The following DDHD1 variants were observed in gnomAD, a reference collection of about 807,000 sequenced individuals.
The protein encoded by DDHD1 is DDHD domain containing 1.
Under a neutral mutation model 96.4 loss-of-function variants are expected in DDHD1, and 49 were observed. That is an observed-to-expected ratio of 0.51 (90% CI 0.40 to 0.64). The LOEUF is 0.64. Among genes scored for constraint, DDHD1 ranks in the 30% least tolerant of loss-of-function variants. The pLI is 0.00. For synonymous variants in DDHD1, 442 were observed against 446.5 expected (o/e 0.99, Z 0.13); for missense variants, 1,106 against 1,161.2 (o/e 0.95, Z 0.69).
intron 1 of DDHD1, among the ~76,000 whole-genome samples, chr14:53,120,695 G>T (rs544332878): frequency 6.6e-6 from 1 of 152,166 alleles, no homozygotes; most frequent in African/African-American, 2.4e-5. Context: ...TAAACAATGG[G>T]GAAAGTATTC....
chr14:53,053,176 T>A (rs914188462), intron 11 of DDHD1: 2 of 152,088 alleles, frequency 1.3e-5, no homozygotes, highest in Non-Finnish European at 2.9e-5. Context: ...CCTTACAAAA[T>A]TCTTTGAAAT....
intron 1 of DDHD1, among the ~76,000 whole-genome samples, chr14:53,144,724 A>C (rs566563397): frequency 6.6e-6 from 1 of 152,344 alleles, no homozygotes; most frequent in South Asian, 2.1e-4. Flanking sequence ...CAGCCAATAA[A>C]ATATGAACTA....
chr14:53,132,917 C>T (rs932739612), intron 1 of DDHD1, among the ~76,000 whole-genome samples: 5 of 152,192 alleles, frequency 3.3e-5, no homozygotes, highest in South Asian at 4.1e-4. Context: ...CGGTCACTCC[C>T]ACCTACTCTC....
intron 1 of DDHD1, among the ~76,000 whole-genome samples, chr14:53,135,500 G>A (rs1018800996): frequency 6.6e-6 from 1 of 152,198 alleles, no homozygotes. Context: ...AAACAGCCTT[G>A]TTGCTCACAC....
chr14:53,068,944 A>G (rs904753506), intron 6 of DDHD1, among the ~76,000 whole-genome samples: 6 of 152,214 alleles, frequency 3.9e-5, no homozygotes, highest in Non-Finnish European at 8.8e-5. Flanking sequence ...GATTCCCTCC[A>G]TCAGTTGCCC....
chr14:53,146,405 G>C (rs539131200), intron 1 of DDHD1, among the ~76,000 whole-genome samples: 65 of 150,754 alleles, frequency 4.3e-4, no homozygotes, highest in African/African-American at 1.5e-3. Flanking sequence ...TAGGGAGGCT[G>C]AAGCAGGAGA....
intron 4 of DDHD1, among the ~76,000 whole-genome samples, chr14:53,086,995 G>T (rs541694192): frequency 7.3e-4 from 69 of 94,820 alleles, no homozygotes; most frequent in African/African-American, 2.6e-3. Context: ...AAAAAAAAAA[G>T]CAGGGATTGC....
At chr14:53,053,905 A>G (rs771669953) in intron 11 of DDHD1, 1 of 152,302 alleles carries the variant, frequency 6.6e-6, no homozygotes, top group African/African-American at 2.4e-5. Context: ...TAAGTCCAAC[A>G]TAACTATCCA....
intron 1 of DDHD1, among the ~76,000 whole-genome samples, chr14:53,144,835 C>A (rs924213407): frequency 6.6e-6 from 1 of 152,212 alleles, no homozygotes; most frequent in African/African-American, 2.4e-5. Context: ...TCTGACTCTG[C>A]TCCCTGTGCA....
intron 7 of DDHD1, 123 bp from the exon 8 acceptor site, chr14:53,061,324 G>C: frequency 3.0e-6 from 2 of 673,688 alleles, no homozygotes; most frequent in South Asian, 6.0e-5. Context: ...CATTAATCCT[G>C]GTTGACAGTA....
rs375381564 is a variant in DDHD1, at chr14:53,054,596, A to G, written c.2279T>C (p.Met760Thr). The change falls in exon 11 of 13, where the codon ATG becomes ACG. Residue 760 changes from methionine to threonine, a missense_variant. By Grantham distance (81) the Met-to-Thr change is moderately conservative (BLOSUM62 -1). Transcript: ENST00000673822. The stretch of plus-strand genomic sequence containing the variant: ...TGAACGTCCAAATCTTGAGAACAAC[A>G]TTCCTCCAAGTCCCTTTCCAATGCT... Reference protein sequence around the residue: ...AASIGKGLGGMLFSRFGRSST... With the variant: ...AASIGKGLGGTLFSRFGRSST... 4 of 1,613,960 alleles carry G rather than the reference A, an allele frequency of 2.5e-6. No individual in the cohort carries two copies. Among genetic ancestry groups the G allele is most frequent in the African/African-American group, 1.3e-5 (1 of 74,926 alleles).
intron 4 of DDHD1, among the ~76,000 whole-genome samples, chr14:53,076,504 T>C (rs1367578030): frequency 1.3e-5 from 2 of 152,206 alleles, no homozygotes; most frequent in Admixed American, 1.3e-4. Flanking sequence ...ATGTGAATAT[T>C]GTTGAAATGG....
At chr14:53,077,541 G>T (rs1885075609) in intron 4 of DDHD1, among the ~76,000 whole-genome samples, 1 of 152,054 alleles carries the variant, frequency 6.6e-6, no homozygotes, top group South Asian at 2.1e-4. Context: ...CTAACTCACA[G>T]ATTTAAGCAT....
chr14:53,122,495 C>G (rs745399886), intron 1 of DDHD1, among the ~76,000 whole-genome samples: 1 of 152,138 alleles, frequency 6.6e-6, no homozygotes, highest in South Asian at 2.1e-4. Context: ...ATCTCAGTTC[C>G]ACAGATAGTG....
intron 1 of DDHD1, among the ~76,000 whole-genome samples, chr14:53,104,890 A>G (rs554129064): frequency 2.6e-5 from 4 of 152,062 alleles, no homozygotes; most frequent in African/African-American, 9.6e-5. Context: ...TGAATTTAAA[A>G]CTCCGTCATT....
At chr14:53,103,582 T>C in intron 2 of DDHD1, 101 bp downstream of exon 2, 3 of 996,610 alleles carry the variant, frequency 3.0e-6, no homozygotes, top group Non-Finnish European at 4.1e-6. Context: ...TTTCTAATTC[T>C]AAACCTCCTG....
At chr14:53,120,176 T>C (rs1455418128) in intron 1 of DDHD1, among the ~76,000 whole-genome samples, 2 of 152,126 alleles carry the variant, frequency 1.3e-5, no homozygotes, top group African/African-American at 4.8e-5. Flanking sequence ...GAGAGCCAAA[T>C]CATGAGTGAA....
At chr14:53,148,516 T>C (rs1891146779) in intron 1 of DDHD1, among the ~76,000 whole-genome samples, 1 of 151,894 alleles carries the variant, frequency 6.6e-6, no homozygotes, top group Non-Finnish European at 1.5e-5. Flanking sequence ...TTTCACCATG[T>C]TGGCCAGGCT....
chr14:53,051,940 A>C lies in DDHD1; in HGVS notation c.2438-13T>G. Reference sequence around the variant, plus strand: ...TGAAGTCTGAAATCTGTGAAAAAAAAACACAAGATGCTGTAAAGGGTTGGC... The same window carrying C: ...TGAAGTCTGAAATCTGTGAAAAAAACACACAAGATGCTGTAAAGGGTTGGC... On this transcript the variant is annotated splice_polypyrimidine_tract_variant and intron_variant, in intron 11 of 12. Transcript: ENST00000673822. 6.4e-7 allele frequency: 1 copy of C among 1,566,066 alleles called. No individual in the cohort carries two copies. Among genetic ancestry groups the C allele is most frequent in the African/African-American group, 1.3e-5 (1 of 74,094 alleles).
Sources: gnomAD v4.1 joint callset for allele counts (sites outside exome capture counted in the v4.1 genomes callset) on GRCh38, gnomAD v4.1.1 for gene constraint, MANE v1.5 for transcripts, NCBI Gene and HGNC (gene_info 2026-07-23, HGNC 2026-07-21) for gene names.